The following FNBP1L variants were observed in gnomAD, a reference collection of about 807,000 sequenced individuals.
FNBP1L encodes the protein formin binding protein 1 like.
FNBP1L carries 36 observed loss-of-function variants against 91.2 expected under a neutral mutation model. The ratio of observed to expected loss-of-function variants is 0.39; its 90% CI spans 0.30 to 0.52. FNBP1L has a LOEUF of 0.52. Among genes scored for constraint, FNBP1L ranks in the 20% least tolerant of loss-of-function variants. The pLI is 0.66. For missense variants in FNBP1L, 571 were observed against 732.1 expected, an observed-to-expected ratio of 0.78 and a Z score of 2.54; for synonymous variants, 242 against 237.0, an observed-to-expected ratio of 1.02 and a Z score of -0.19.
intron 2 of FNBP1L, among the ~76,000 whole-genome samples, chr1:93,513,754 T>C (rs1466499971): frequency 6.6e-6 from 1 of 152,220 alleles, no homozygotes; most frequent in African/African-American, 2.4e-5. Context: ...AAATTAGATA[T>C]TGATGGGACG....
Position 93,522,818 on chromosome 1 carries a change from G to A in FNBP1L, c.195-526G>A, listed in dbSNP as rs180954487. Reference sequence around the variant, plus strand: ...TTGTTTCTCTCCTTCCCTCACACACGTTTTTACCCTTATTTTTGACCCTTT... The same window carrying A: ...TTGTTTCTCTCCTTCCCTCACACACATTTTTACCCTTATTTTTGACCCTTT... On this transcript the variant is annotated intron_variant, in intron 3 of 16. Coordinates refer to ENST00000271234, the MANE Select transcript of FNBP1L (RefSeq NM_001164473.3). 5.3e-5 allele frequency among the ~76,000 whole-genome samples: 8 copies of A among 152,154 alleles called. No homozygotes were observed. In the East Asian group the frequency reaches 1.4e-3, roughly 26 times the overall value.
chr1:93,479,315 C>T (rs568116425), intron 1 of FNBP1L, among the ~76,000 whole-genome samples: 86 of 152,258 alleles, frequency 5.6e-4, no homozygotes, highest in South Asian at 4.6e-3. Context: ...GGAAACAGGG[C>T]AAGGACAAAA....
chr1:93,532,350 C>G (rs1198071697), intron 7 of FNBP1L, among the ~76,000 whole-genome samples: 1 of 151,670 alleles, frequency 6.6e-6, no homozygotes, highest in Non-Finnish European at 1.5e-5. Context: ...GCCTGTAGTC[C>G]CAGCTACTTG....
chr1:93,528,286 A>T (rs574920654), intron 5 of FNBP1L, among the ~76,000 whole-genome samples: 6 of 152,250 alleles, frequency 3.9e-5, no homozygotes, highest in Non-Finnish European at 8.8e-5. Context: ...GGAGAGAGAG[A>T]AGATTCTACC....
intron 1 of FNBP1L, among the ~76,000 whole-genome samples, chr1:93,493,436 C>T (rs1046343731): frequency 2.6e-5 from 4 of 152,102 alleles, no homozygotes; most frequent in Admixed American, 1.3e-4. Flanking sequence ...GCATTAAGTG[C>T]GTTGATACTG....
intron 1 of FNBP1L, among the ~76,000 whole-genome samples, chr1:93,465,002 A>G (rs1283569667): frequency 2.0e-5 from 3 of 152,292 alleles, no homozygotes; most frequent in South Asian, 2.1e-4. Flanking sequence ...TTTAGGCTAC[A>G]TAGCTACATA....
chr1:93,472,400 T>C (rs1225967483), intron 1 of FNBP1L, among the ~76,000 whole-genome samples: 2 of 152,198 alleles, frequency 1.3e-5, no homozygotes, highest in African/African-American at 4.8e-5. Flanking sequence ...GGCAGAGTGA[T>C]ATAAATTCAG....
intron 2 of FNBP1L, among the ~76,000 whole-genome samples, chr1:93,514,646 T>C (rs1671006027): frequency 6.6e-6 from 1 of 152,088 alleles, no homozygotes; most frequent in Non-Finnish European, 1.5e-5. Flanking sequence ...TTGACAAACC[T>C]GAGAAAAACA....
chr1:93,521,948 G>A, intron 2 of FNBP1L, 134 bp from the exon 3 acceptor site: 1 of 412,078 alleles, frequency 2.4e-6, no homozygotes, highest in Non-Finnish European at 4.3e-6. Flanking sequence ...TGCTAATGGA[G>A]TAGAGATCAT....
chr1:93,541,196 C>T (rs931111297), intron 11 of FNBP1L, 140 bp downstream of exon 11: 12 of 709,564 alleles, frequency 1.7e-5, no homozygotes, highest in Non-Finnish European at 2.4e-5. Context: ...TTTCATAGTC[C>T]AGCATATGCC....
At chr1:93,539,452 ATCCCCAAATCT>A (rs1671953285) in intron 10 of FNBP1L, among the ~76,000 whole-genome samples, 2 of 152,004 alleles carry the variant, frequency 1.3e-5, no homozygotes, top group African/African-American at 4.8e-5. Context: ...AGCTTTGTAT[ATCCCCAAATCT>A]AATTATCAAA....
chr1:93,527,995 C>G (rs1440189511), intron 5 of FNBP1L, among the ~76,000 whole-genome samples: 3 of 151,068 alleles, frequency 2.0e-5, no homozygotes, highest in Non-Finnish European at 4.4e-5. Flanking sequence ...AAAAAGCCCA[C>G]TAGAAAAAAA....
At chr1:93,468,166 C>T (rs566938322) in intron 1 of FNBP1L, among the ~76,000 whole-genome samples, 3 of 152,264 alleles carry the variant, frequency 2.0e-5, no homozygotes, top group Non-Finnish European at 2.9e-5. Context: ...AACAGATTTA[C>T]CTATTCTGGA....
At chr1:93,532,137 A>G (rs906601986) in intron 7 of FNBP1L, among the ~76,000 whole-genome samples, 1 of 152,124 alleles carries the variant, frequency 6.6e-6, no homozygotes, top group African/African-American at 2.4e-5. Flanking sequence ...GGTCCAGCCA[A>G]GTCTTACCAA....
chr1:93,478,632 G>T (rs574773971), intron 1 of FNBP1L, among the ~76,000 whole-genome samples: 36 of 152,186 alleles, frequency 2.4e-4, no homozygotes, highest in Non-Finnish European at 4.9e-4. Flanking sequence ...CAGTAAAGAG[G>T]GTACCTGTAT....
chr1:93,508,220 T>C (rs566106892), intron 2 of FNBP1L, among the ~76,000 whole-genome samples: 1 of 151,868 alleles, frequency 6.6e-6, no homozygotes, highest in Non-Finnish European at 1.5e-5. Context: ...CACGGTGACA[T>C]GTGCCTGCAG....
chr1:93,455,056 G>C (rs1013108353), intron 1 of FNBP1L, among the ~76,000 whole-genome samples: 2 of 152,084 alleles, frequency 1.3e-5, no homozygotes, highest in African/African-American at 4.8e-5. Context: ...AGCCTTCCGA[G>C]TAGCAGAGAC....
chr1:93,541,161 C>T, intron 11 of FNBP1L, 105 bp downstream of exon 11: 1 of 1,103,838 alleles, frequency 9.1e-7, no homozygotes, highest in Non-Finnish European at 1.3e-6. Context: ...CACGTTTTCA[C>T]CTTGTGTGTT....
rs1005311919 is a variant in FNBP1L at position 93,468,025 on chromosome 1, G to C, written c.24+19720G>C. The stretch of plus-strand genomic sequence containing the variant: ...CTTGCCCTAGTCATCCCCTCTTCCC[G>C]TGTAACCACTGATCTTTTTACTGTG... On this transcript the variant is annotated intron_variant, in intron 1 of 16. Transcript: ENST00000271234. 5.9e-5 allele frequency among the ~76,000 whole-genome samples: 9 copies of C among 152,052 alleles called. 1 individual carries two copies. Among genetic ancestry groups the C allele is most frequent in the Non-Finnish European group, 2.9e-5 (2 of 68,022 alleles).
Sources: allele counts gnomAD v4.1 joint callset (sites outside exome capture counted in the v4.1 genomes callset), GRCh38; gene constraint gnomAD v4.1.1; transcripts MANE v1.5; gene names NCBI Gene and HGNC (gene_info 2026-07-23, HGNC 2026-07-21).